Variants in RBM19 observed in about 807,000 individuals in gnomAD.
RBM19 encodes probable RNA-binding protein 19.
In RBM19, 94 loss-of-function variants were observed where a neutral mutation model predicts 116.8. The observed-to-expected ratio is 0.80, with a 90% CI of 0.68 to 0.95. The LOEUF is 0.95. Ranked by LOEUF, RBM19 falls within the 40% of genes least tolerant of loss-of-function variation. RBM19 has a pLI of 0.00. For missense variants in RBM19, 1,161 were observed against 1,220.7 expected, an observed-to-expected ratio of 0.95 and a Z score of 0.73; for synonymous variants, 475 against 494.1, an observed-to-expected ratio of 0.96 and a Z score of 0.51.
chr12:113,924,759 TG>T lies in RBM19; in HGVS notation c.2245-3del. The stretch of plus-strand genomic sequence containing the variant: ...CACTGTCCCCACTTTTGAAAACACC[TG>T]GATAAGAAAGTAACAAGTATCATCA... On this transcript the variant is annotated splice_polypyrimidine_tract_variant and splice_region_variant and intron_variant, in intron 17 of 23. Coordinates refer to ENST00000261741, the MANE Select transcript of RBM19 (RefSeq NM_016196.4). 6.5e-7 allele frequency: 1 copy of T among 1,541,442 alleles called. No homozygotes were observed. The highest frequency in any genetic ancestry group is 9.0e-7 in the Non-Finnish European group (1 of 1,113,966).
chr12:113,926,945 G>T, intron 17 of RBM19, 109 bp downstream of exon 17: 1 of 1,261,978 alleles, frequency 7.9e-7, no homozygotes, highest in Non-Finnish European at 1.1e-6. Context: ...GCTCCCAAGT[G>T]CATATTAACA....
At chr12:113,944,855 A>ACGTTTT (rs1566033770) in intron 13 of RBM19, among the ~76,000 whole-genome samples, 3 of 115,254 alleles carry the variant, frequency 2.6e-5, no homozygotes, top group African/African-American at 1.0e-4. Context: ...ATATATATGT[A>ACGTTTT]TATATAAAAA....
chr12:113,831,940 A>G (rs985259596), intron 23 of RBM19, among the ~76,000 whole-genome samples: 1 of 152,160 alleles, frequency 6.6e-6, no homozygotes, highest in African/African-American at 2.4e-5. Flanking sequence ...CTCTCTGATC[A>G]TGGCTCCCTG....
intron 22 of RBM19, among the ~76,000 whole-genome samples, chr12:113,846,618 G>A (rs773653527): frequency 6.6e-6 from 1 of 152,178 alleles, no homozygotes; most frequent in Non-Finnish European, 1.5e-5. Context: ...GCAGCCAGGG[G>A]AGAGGCACCA....
chr12:113,928,165 T>C (rs180994816), intron 16 of RBM19, among the ~76,000 whole-genome samples: 112 of 152,136 alleles, frequency 7.4e-4, no homozygotes, highest in African/African-American at 2.7e-3. Flanking sequence ...GGTGAAACCT[T>C]GTCTCCACTA....
At chr12:113,946,791 G>A (rs1871064050) in intron 11 of RBM19, among the ~76,000 whole-genome samples, 1 of 152,250 alleles carries the variant, frequency 6.6e-6, no homozygotes, top group African/African-American at 2.4e-5. Context: ...AAGAATGTGA[G>A]GTCCATGCCG....
At chr12:113,906,351 C>T (rs1882043802) in intron 21 of RBM19, among the ~76,000 whole-genome samples, 2 of 152,124 alleles carry the variant, frequency 1.3e-5, no homozygotes, top group Non-Finnish European at 2.9e-5. Context: ...TCAAAGAAGC[C>T]AGACACAAAT....
intron 21 of RBM19, among the ~76,000 whole-genome samples, chr12:113,893,331 G>A (rs1881081673): frequency 6.6e-6 from 1 of 151,904 alleles, no homozygotes; most frequent in African/African-American, 2.4e-5. Context: ...TAACTTTTTT[G>A]TAGTGACATG....
chr12:113,913,840 T>A (rs935157085), intron 21 of RBM19, among the ~76,000 whole-genome samples: 2 of 152,148 alleles, frequency 1.3e-5, no homozygotes, highest in African/African-American at 4.8e-5. Context: ...GTGCTGCAGG[T>A]CCCCCGAGCA....
chr12:113,828,580 C>T (rs1367219868), intron 23 of RBM19, among the ~76,000 whole-genome samples: 2 of 152,150 alleles, frequency 1.3e-5, no homozygotes, highest in African/African-American at 4.8e-5. Context: ...CAGAATGAGG[C>T]TCCACAATCT....
At position 113,918,426 on chromosome 12, in the gene RBM19, T is replaced by C; in HGVS notation, c.2407A>G (p.Lys803Glu). 1 of 1,614,206 alleles carries C rather than the reference T, an allele frequency of 6.2e-7. No homozygotes were observed. The highest frequency in any genetic ancestry group is 8.5e-7 in the Non-Finnish European group (1 of 1,180,028). Residue 803 changes from lysine to glutamate, a missense_variant, in exon 20 of 24, where the codon AAG becomes GAG. Lys to Glu is a moderately conservative substitution (Grantham distance 56, BLOSUM62 1). Transcript: ENST00000261741. ...QLQGHVVDGH[K>E]LEVRISERAT... ...CGTTCCGAGATCCTCACTTCCAGCT[T>C]GTGGCCGTCCACGACGTGACCCTAA...
intron 2 of RBM19, among the ~76,000 whole-genome samples, chr12:113,960,810 G>A (rs1872427285): frequency 6.6e-6 from 1 of 152,186 alleles, no homozygotes; most frequent in Admixed American, 6.5e-5. Context: ...GGTGATAGGG[G>A]CACTGGGGTG....
At chr12:113,850,090 G>C (rs749477406) in intron 22 of RBM19, among the ~76,000 whole-genome samples, 1 of 152,172 alleles carries the variant, frequency 6.6e-6, no homozygotes, top group African/African-American at 2.4e-5. Context: ...GACAGTTCTG[G>C]GGGCTTCGCC....
chr12:113,838,101 G>C (rs941603816), intron 23 of RBM19, among the ~76,000 whole-genome samples: 1 of 152,200 alleles, frequency 6.6e-6, no homozygotes, highest in African/African-American at 2.4e-5. Context: ...CCAGTTCAGG[G>C]CTGCAGGGGG....
In RBM19 at chr12:113,937,068, C is replaced by G. The variant is rs1870136934; in HGVS notation, c.2007G>C (p.Lys669Asn). Residue 669 changes from lysine to asparagine, a missense_variant, in exon 16 of 24, where the codon AAG (lysine) becomes AAC (asparagine). Coordinates refer to ENST00000261741, the MANE Select transcript of RBM19 (RefSeq NM_016196.4). ...CTGAAGGTGTGTCTTGGAGCTTTTT[C>G]TTCTGTGGGGCTGTGCTGGAGAAGA... Reference protein sequence around the residue: ...VGVFSSTAPQKKKLQDTPSEP... With the variant: ...VGVFSSTAPQNKKLQDTPSEP... The G allele has an allele frequency of 5.0e-6, 8 of 1,614,022 alleles. No homozygotes were observed. The highest frequency in any genetic ancestry group is 6.8e-6 in the Non-Finnish European group (8 of 1,180,028).
intron 21 of RBM19, among the ~76,000 whole-genome samples, chr12:113,896,599 T>C (rs1420366033): frequency 1.3e-5 from 2 of 152,234 alleles, no homozygotes; most frequent in Admixed American, 6.5e-5. Context: ...GGCTGGGTTT[T>C]TTCCCGAAAT....
rs368529053 is a variant in RBM19 at position 113,847,429 on chromosome 12, G to A, written c.2665-2641C>T. ...TCCATGTGGATATAAAAATGCATCT[G>A]GACTCTGAGCCGAAATGGCCCATTC... On this transcript the variant is annotated intron_variant, in intron 22 of 23. Transcript: ENST00000261741. Among the ~76,000 whole-genome samples the A allele has an allele frequency of 5.3e-5, 8 of 152,188 alleles. No homozygotes were observed. The South Asian group carries it at 1.2e-3, about 24-fold the overall frequency.
intron 13 of RBM19, among the ~76,000 whole-genome samples, chr12:113,944,843 G>A (rs1566033742): frequency 2.2e-5 from 3 of 137,488 alleles, no homozygotes; most frequent in Non-Finnish European, 4.7e-5. Context: ...ATATGAATGT[G>A]TATATATATG....
intron 1 of RBM19, 92 bp downstream of exon 1, chr12:113,966,100 A>C: frequency 1.3e-6 from 2 of 1,549,316 alleles, no homozygotes; most frequent in South Asian, 1.1e-5. Context: ...CCCAGAGCAA[A>C]AATTCTTCGA....
Sources: allele counts gnomAD v4.1 joint callset (sites outside exome capture counted in the v4.1 genomes callset), GRCh38; gene constraint gnomAD v4.1.1; transcripts MANE v1.5; gene names NCBI Gene and HGNC (gene_info 2026-07-23, HGNC 2026-07-21).